Variants in MAD1L1 observed in about 807,000 individuals in gnomAD.
MAD1L1 encodes the protein mitotic arrest deficient 1 like 1.
Under a neutral mutation model 96.9 loss-of-function variants are expected in MAD1L1, and 95 were observed. The ratio of observed to expected loss-of-function variants is 0.98; its 90% CI spans 0.83 to 1.16. The LOEUF is 1.16. Among genes scored for constraint, MAD1L1 ranks in the 50% most tolerant of loss-of-function variants. The pLI is 0.00. For synonymous variants in MAD1L1, 473 were observed against 396.6 expected, an observed-to-expected ratio of 1.19 and a Z score of -2.29; for missense variants, 1,007 against 954.4, an observed-to-expected ratio of 1.06 and a Z score of -0.73.
At chr7:2,079,753 A>ACGGC (rs1262880154) in intron 11 of MAD1L1, 7 of 470,834 alleles carry the variant, frequency 1.5e-5, no homozygotes, top group South Asian at 4.6e-5. Flanking sequence ...CCCGGCAAGC[A>ACGGC]CGGCCGCAGG....
At chr7:2,020,258 G>C (rs1258054567) in intron 12 of MAD1L1, among the ~76,000 whole-genome samples, 3 of 152,184 alleles carry the variant, frequency 2.0e-5, no homozygotes, top group African/African-American at 7.2e-5. Flanking sequence ...CATGATCGGG[G>C]GGGGCACTAA....
chr7:1,911,600 C>T (rs11772205), intron 17 of MAD1L1, among the ~76,000 whole-genome samples: 68,667 of 151,842 alleles, frequency 0.45, 15,705 homozygotes, highest in Admixed American at 0.55. Flanking sequence ...TGTTCACCAG[C>T]GAACTTCTGC....
At chr7:1,975,984 G>C (rs567085610) in intron 15 of MAD1L1, among the ~76,000 whole-genome samples, 2 of 152,192 alleles carry the variant, frequency 1.3e-5, no homozygotes, top group Admixed American at 6.5e-5. Context: ...CAGAGAGGAC[G>C]GGCTCAGATT....
At chr7:1,994,540 G>A (rs542096118) in intron 14 of MAD1L1, among the ~76,000 whole-genome samples, 4 of 152,270 alleles carry the variant, frequency 2.6e-5, no homozygotes, top group South Asian at 2.1e-4. Context: ...AGCGCCCACC[G>A]GGTCTCACAC....
intron 11 of MAD1L1, among the ~76,000 whole-genome samples, chr7:2,117,451 C>T (rs536848906): frequency 6.6e-6 from 1 of 152,334 alleles, no homozygotes; most frequent in South Asian, 2.1e-4. Context: ...CTGACTGTGT[C>T]CCCACCCAAA....
At chr7:1,873,495 G>A (rs550950885) in intron 18 of MAD1L1, among the ~76,000 whole-genome samples, 13 of 152,082 alleles carry the variant, frequency 8.5e-5, no homozygotes, top group East Asian at 1.9e-4. Flanking sequence ...GTAGGAGCAC[G>A]GCACGGCCGG....
intron 4 of MAD1L1, among the ~76,000 whole-genome samples, chr7:2,225,113 TG>T (rs1793815339): frequency 6.6e-6 from 1 of 152,232 alleles, no homozygotes. Flanking sequence ...CAAGCATAAC[TG>T]ATACCTGCCC....
At chr7:2,073,052 G>A (rs1197448908) in intron 11 of MAD1L1, among the ~76,000 whole-genome samples, 1 of 152,178 alleles carries the variant, frequency 6.6e-6, no homozygotes, top group Non-Finnish European at 1.5e-5. Context: ...GGAACTGGAT[G>A]TGGCCTGAGC....
intron 11 of MAD1L1, among the ~76,000 whole-genome samples, chr7:2,124,439 G>C (rs1788133122): frequency 6.6e-6 from 1 of 152,244 alleles, no homozygotes; most frequent in Non-Finnish European, 1.5e-5. Flanking sequence ...CCTGGGAGAT[G>C]AGTGGGCAGA....
chr7:2,183,521 G>A (rs1430341667), intron 10 of MAD1L1, among the ~76,000 whole-genome samples: 2 of 152,122 alleles, frequency 1.3e-5, no homozygotes, highest in East Asian at 3.9e-4. Context: ...AACAATGATA[G>A]ACTGGATTAA....
At chr7:2,227,046 C>G (rs978668053) in intron 3 of MAD1L1, among the ~76,000 whole-genome samples, 5 of 149,286 alleles carry the variant, frequency 3.3e-5, no homozygotes, top group Non-Finnish European at 5.9e-5. Flanking sequence ...GTAATCCCAG[C>G]AGTTCGGGGG....
intron 13 of MAD1L1, among the ~76,000 whole-genome samples, chr7:2,005,978 G>C (rs908158496): frequency 6.6e-6 from 1 of 152,092 alleles, no homozygotes; most frequent in Non-Finnish European, 1.5e-5. Context: ...AGAGGGGCCG[G>C]AATTCCAGGA....
At chr7:1,839,316 CTCCTGCCTGGCAGGAAAGCG>C (rs1381108150) in intron 18 of MAD1L1, among the ~76,000 whole-genome samples, 4 of 151,684 alleles carry the variant, frequency 2.6e-5, no homozygotes, top group Non-Finnish European at 5.9e-5. Context: ...AGGGCTCTGC[CTCCTGCCTGGCAGGAAAGCG>C]TCCTGCCCCC....
At chr7:1,977,216 T>C (rs918521791) in intron 15 of MAD1L1, among the ~76,000 whole-genome samples, 1 of 152,120 alleles carries the variant, frequency 6.6e-6, no homozygotes, top group South Asian at 2.1e-4. Flanking sequence ...TGGGGGTGGG[T>C]GTGGGCTCAG....
intron 16 of MAD1L1, among the ~76,000 whole-genome samples, chr7:1,952,349 T>C (rs1022495624): frequency 5.3e-5 from 8 of 152,164 alleles, no homozygotes; most frequent in African/African-American, 1.9e-4. Flanking sequence ...GCGCTTCTCC[T>C]GTCCTTCCAC....
chr7:2,154,079 C>G (rs200568280), intron 10 of MAD1L1, among the ~76,000 whole-genome samples: 8 of 152,164 alleles, frequency 5.3e-5, no homozygotes, highest in Admixed American at 2.6e-4. Context: ...TCACTTGAAC[C>G]AGGGAGTCAG....
chr7:1,967,149 G>A (rs971924891), intron 15 of MAD1L1, among the ~76,000 whole-genome samples: 8 of 152,196 alleles, frequency 5.3e-5, no homozygotes, highest in Admixed American at 3.3e-4. Flanking sequence ...GGGACCTGCC[G>A]GGAGGGGCTT....
chr7:2,077,776 C>T (rs1373423905), intron 11 of MAD1L1, among the ~76,000 whole-genome samples: 3 of 152,188 alleles, frequency 2.0e-5, no homozygotes, highest in African/African-American at 2.4e-5. Flanking sequence ...TGCTCTGCTC[C>T]GGAAGCACCC....
chr7:1,868,084 C>T (rs114119843), intron 18 of MAD1L1, among the ~76,000 whole-genome samples: 4,522 of 152,226 alleles, frequency 0.03, 240 homozygotes, highest in African/African-American at 0.1. Flanking sequence ...CTGTCCCTGC[C>T]GTGCCCGCTC....
Sources: gnomAD v4.1 joint callset for allele counts (sites outside exome capture counted in the v4.1 genomes callset) on GRCh38, gnomAD v4.1.1 for gene constraint, MANE v1.5 for transcripts, NCBI Gene and HGNC (gene_info 2026-07-23, HGNC 2026-07-21) for gene names.